Variants in BAG4 observed in about 807,000 individuals in gnomAD.
The protein encoded by BAG4 is BAG cochaperone 4.
A neutral mutation model predicts 52.1 loss-of-function variants in BAG4; 28 were observed. The observed-to-expected ratio is 0.54, with a 90% confidence interval of 0.40 to 0.74. The LOEUF is 0.74. BAG4 is among the 30% of genes least tolerant of loss of function. The pLI, the probability that BAG4 is intolerant of heterozygous loss-of-function variation, is 0.00. For missense variants in BAG4, 525 were observed against 572.0 expected (o/e 0.92, Z 0.84); for synonymous variants, 208 against 217.0 (o/e 0.96, Z 0.37).
intron 1 of BAG4, among the ~76,000 whole-genome samples, chr8:38,188,495 A>G (rs1585654459): frequency 1.3e-5 from 2 of 152,020 alleles, no homozygotes; most frequent in East Asian, 3.9e-4. Flanking sequence ...TACATGTATC[A>G]AAATATCACA....
intron 1 of BAG4, among the ~76,000 whole-genome samples, chr8:38,188,663 GTATACATATACATGTATACATATATACA>G (rs1563280673): frequency 0.018 from 24 of 1,322 alleles, no homozygotes; most frequent in African/African-American, 0.037. Flanking sequence ...ATATATACAT[GTATACATATACATGTATACATATATACA>G]TGTATACATA....
rs1313932304 is a variant in BAG4, at chr8:38,176,873, T to C, written c.4T>C (p.Ser2Pro). The stretch of plus-strand genomic sequence containing the variant: ...GCGCTTCAGGGCAGCGGATCCCATG[T>C]CGGCCCTGAGGCGCTCGGGCTACGG... M[S>P]ALRRSGYGPS... Residue 2 changes from serine to proline, a missense_variant, in exon 1 of 5, where the codon TCG becomes CCG. Physicochemically the swap from Ser to Pro is moderately conservative, Grantham distance 74. Coordinates refer to ENST00000287322, the MANE Select transcript of BAG4 (RefSeq NM_004874.4). The C allele has an allele frequency of 1.3e-6, 2 of 1,513,832 alleles. No homozygotes were observed. The highest frequency in any genetic ancestry group is 8.9e-7 in the Non-Finnish European group (1 of 1,128,682). The allele number at this position is 1,513,832 out of a possible 1,614,324, so 93.8% of individuals were successfully genotyped here.
At chr8:38,209,641 T>G (rs1464958710) in intron 4 of BAG4, 2 of 360,704 alleles carry the variant, frequency 5.5e-6, no homozygotes, top group African/African-American at 4.2e-5. Context: ...TTGAACATTA[T>G]CACTTGTGGC....
chr8:38,202,626 A>C (rs1356269572), intron 2 of BAG4, among the ~76,000 whole-genome samples: 2 of 149,470 alleles, frequency 1.3e-5, no homozygotes, highest in African/African-American at 2.5e-5. Context: ...CTGCAGCCTC[A>C]ATCTCCTCTG....
chr8:38,209,176 C>T lies in BAG4; in HGVS notation c.797C>T (p.Pro266Leu). 1 of 1,614,124 alleles carries T rather than the reference C, an allele frequency of 6.2e-7. No homozygotes were observed. Among genetic ancestry groups the T allele is most frequent in the South Asian group, 1.1e-5 (1 of 91,082 alleles). Residue 266 changes from proline (P) to leucine (L), a missense_variant, in exon 4 of 5, where the codon CCC (proline) becomes CTC (leucine). This residue lies in a region of BAG4 where 238 missense variants were observed against 305.8 expected (regional missense o/e 0.78). Transcript: ENST00000287322. ...PWPSSAPSAP[P>L]GNLYMTESTS... is the part of the protein sequence containing the mutation. ...CCTTCATCAGCGCCCTCAGCACCAC[C>T]CGGCAATCTCTACATGACTGAAAGT...
At chr8:38,198,879 T>C (rs185347342) in intron 2 of BAG4, among the ~76,000 whole-genome samples, 6 of 152,264 alleles carry the variant, frequency 3.9e-5, no homozygotes, top group Admixed American at 2.0e-4. Flanking sequence ...TCAGTATCAC[T>C]GTCTTTCACC....
Position 38,177,003 on chromosome 8 carries a change from A to C in BAG4, c.134A>C (p.Gln45Pro). The C allele has an allele frequency of 6.2e-7, 1 of 1,601,110 alleles. No homozygotes were observed. Among genetic ancestry groups the C allele is most frequent in the Non-Finnish European group, 8.5e-7 (1 of 1,174,188 alleles). Residue 45 changes from glutamine (Q) to proline (P), a missense_variant, in exon 1 of 5, where the codon CAG (glutamine) becomes CCG (proline). Physicochemically the swap from Gln to Pro is moderately conservative, Grantham distance 76. Transcript: ENST00000287322. ...PLYPLRPEPP[Q>P]PPISWRVRGG... Reference sequence around the variant, plus strand: ...TATCCTCTTCGCCCTGAACCTCCCCAGCCTCCCATTTCCTGGCGGGTGCGC... The same window carrying C: ...TATCCTCTTCGCCCTGAACCTCCCCCGCCTCCCATTTCCTGGCGGGTGCGC...
intron 2 of BAG4, 145 bp from the exon 3 acceptor site, chr8:38,207,367 G>A: frequency 2.2e-6 from 2 of 890,898 alleles, no homozygotes; most frequent in Non-Finnish European, 3.3e-6. Context: ...CTCCCAAAGT[G>A]CTGGGATTAC....
intron 1 of BAG4, among the ~76,000 whole-genome samples, chr8:38,181,048 C>T (rs956213040): frequency 1.5e-4 from 23 of 150,708 alleles, no homozygotes; most frequent in African/African-American, 5.6e-4. Context: ...TCACGCCCTT[C>T]TCCTGCCTCA....
At chr8:38,201,848 ATATATATAT>A (rs1803668156) in intron 2 of BAG4, 1 of 5,306 alleles carries the variant, frequency 1.9e-4, no homozygotes, top group Non-Finnish European at 3.7e-4. Context: ...ATATATATAT[ATATATATAT>A]ATATATATAT....
At chr8:38,189,154 C>T (rs530565084) in intron 1 of BAG4, among the ~76,000 whole-genome samples, 13 of 151,946 alleles carry the variant, frequency 8.6e-5, no homozygotes, top group South Asian at 2.1e-4. Flanking sequence ...CATGTGGGCC[C>T]GGCCGGTCTT....
chr8:38,207,283 G>A (rs527419353), intron 2 of BAG4, among the ~76,000 whole-genome samples: 1 of 150,992 alleles, frequency 6.6e-6, no homozygotes, highest in Non-Finnish European at 1.5e-5. Context: ...TTTTATTTTT[G>A]TAGAAACAGG....
Position 38,192,770 on chromosome 8 carries a change from C to T in BAG4, c.353C>T (p.Pro118Leu). 1 of 1,610,498 alleles carries T rather than the reference C, an allele frequency of 6.2e-7. No individual in the cohort carries two copies. The highest frequency in any genetic ancestry group is 1.1e-5 in the South Asian group (1 of 90,340). Residue 118 changes from proline (P) to leucine (L), a missense_variant, in exon 2 of 5, where the codon CCT becomes CTT. By Grantham distance (98) the Pro-to-Leu change is moderately conservative. Transcript: ENST00000287322. ...RSRAPYPSTY[P>L]VRPELQGQSL... ...AGGGCTCCTTACCCAAGTACATATCCTGTAAGACCAGAATTGCAAGGCCAG... is the reference window on the plus strand; with the variant it reads ...AGGGCTCCTTACCCAAGTACATATCTTGTAAGACCAGAATTGCAAGGCCAG...
chr8:38,177,282 G>T, intron 1 of BAG4, 143 bp downstream of exon 1: 1 of 1,141,380 alleles, frequency 8.8e-7, no homozygotes, highest in Non-Finnish European at 1.2e-6. Context: ...ACTAAGATCA[G>T]AGGTTGGGGG....
At chr8:38,207,808 C>T in intron 3 of BAG4, 42 bp downstream of exon 3, 1 of 1,606,932 alleles carries the variant, frequency 6.2e-7, no homozygotes, top group Non-Finnish European at 8.5e-7. Context: ...TTCAAAGTCT[C>T]TGCCTCTTGT....
At chr8:38,193,804 T>C (rs897981139) in intron 2 of BAG4, among the ~76,000 whole-genome samples, 10 of 151,680 alleles carry the variant, frequency 6.6e-5, no homozygotes, top group African/African-American at 2.4e-4. Flanking sequence ...AGTGGCATGA[T>C]CTTGGCTCAT....
chr8:38,205,436 T>TTG (rs1803755312), intron 2 of BAG4, among the ~76,000 whole-genome samples: 1 of 152,088 alleles, frequency 6.6e-6, no homozygotes, highest in Admixed American at 6.6e-5. Context: ...TTATAGGACA[T>TTG]TTAGGTAGTT....
intron 1 of BAG4, among the ~76,000 whole-genome samples, chr8:38,192,327 G>A (rs1257151024): frequency 2.0e-5 from 3 of 152,166 alleles, no homozygotes; most frequent in Non-Finnish European, 2.9e-5. Context: ...TGGCATTGTC[G>A]AAACAGATAA....
intron 1 of BAG4, among the ~76,000 whole-genome samples, chr8:38,191,565 CCTGG>C (rs1803474255): frequency 6.6e-6 from 1 of 152,138 alleles, no homozygotes; most frequent in African/African-American, 2.4e-5. Context: ...TCAAGACCAG[CCTGG>C]CCAAAATAGT....
Sources: gnomAD v4.1 joint callset for allele counts (sites outside exome capture counted in the v4.1 genomes callset) on GRCh38, gnomAD v4.1.1 for gene constraint, gnomAD v4.1.1 regional missense constraint, MANE v1.5 for transcripts, NCBI Gene and HGNC (gene_info 2026-07-23, HGNC 2026-07-21) for gene names.